DOCK3: variants seen among roughly 807,000 people sequenced by gnomAD.
DOCK3 encodes dedicator of cytokinesis protein 3.
DOCK3 carries 60 observed loss-of-function variants against 265.6 expected under a neutral mutation model. The observed-to-expected ratio is 0.23, with a 90% CI of 0.18 to 0.28. The LOEUF (loss-of-function observed/expected upper bound fraction) is 0.28, where lower values mean the gene tolerates loss of function less well. Among genes scored for constraint, DOCK3 ranks in the 10% least tolerant of loss-of-function variants. The probability of loss-of-function intolerance (pLI) is 1.00; values close to 1 mark genes in which losing one functional copy is unlikely to be tolerated. For synonymous variants in DOCK3, 881 were observed against 938.0 expected (o/e 0.94, Z 1.11); for missense variants, 1,981 against 2,594.3 (o/e 0.76, Z 5.14).
intron 1 of DOCK3, among the ~76,000 whole-genome samples, chr3:50,768,098 A>G (rs916409507): frequency 2.6e-5 from 4 of 152,016 alleles, no homozygotes; most frequent in African/African-American, 7.2e-5. Context: ...CTAATTGAAT[A>G]CCCTTTATTT....
chr3:51,067,427 TTGTGTGTGTGTG>T (rs60551624), intron 6 of DOCK3, among the ~76,000 whole-genome samples: 1 of 144,108 alleles, frequency 6.9e-6, no homozygotes, highest in African/African-American at 2.6e-5. Context: ...TGAAATATGT[TTGTGTGTGTGTG>T]TGTGTGTGTG....
Position 50,796,233 on chromosome 3 carries a change from C to T in DOCK3, c.121+17475C>T, listed in dbSNP as rs565140476. On this transcript the variant is annotated intron_variant, in intron 2 of 52. Coordinates refer to ENST00000266037, the MANE Select transcript of DOCK3 (RefSeq NM_004947.5). ...TTTTTTTTTGTATTTTTAGTAGAGACGGGGTTTCACCATGGTCTGGATCTC... is the reference window on the plus strand; with the variant it reads ...TTTTTTTTTGTATTTTTAGTAGAGATGGGGTTTCACCATGGTCTGGATCTC... Among the ~76,000 whole-genome samples the T allele has an allele frequency of 3.8e-3, 578 of 151,158 alleles. 3 individuals carry two copies. The highest frequency in any genetic ancestry group is 4.1e-3 in the Non-Finnish European group (281 of 67,856).
At chr3:51,223,600 T>C (rs1414033158) in intron 14 of DOCK3, among the ~76,000 whole-genome samples, 1 of 152,176 alleles carries the variant, frequency 6.6e-6, no homozygotes, top group Non-Finnish European at 1.5e-5. Flanking sequence ...TATATCAGTC[T>C]ACAAATTTAA....
chr3:50,706,200 C>T (rs919590061), intron 1 of DOCK3, among the ~76,000 whole-genome samples: 2 of 152,090 alleles, frequency 1.3e-5, no homozygotes, highest in African/African-American at 4.8e-5. Context: ...ATAAACTACC[C>T]GATCTCAGGG....
At chr3:50,692,576 T>C (rs1390911665) in intron 1 of DOCK3, among the ~76,000 whole-genome samples, 2 of 152,200 alleles carry the variant, frequency 1.3e-5, no homozygotes, top group Non-Finnish European at 1.5e-5. Context: ...CAGATTGATA[T>C]TAATTTGTGG....
rs749633091 is a variant in DOCK3 at position 51,118,734 on chromosome 3, T to TA, written c.747-27814dup. 3.3e-5 allele frequency among the ~76,000 whole-genome samples: 5 copies of TA among 152,104 alleles called. No homozygotes were observed. The South Asian group carries it at 6.2e-4, about 19-fold the overall frequency. On this transcript the variant is annotated intron_variant, in intron 9 of 52. Transcript: ENST00000266037. ...GTAATACCCTGCTTTGTCTTTTTTTTATCTTTGTTGGTCTTGATCGTGTTG... is the reference window on the plus strand; with the variant it reads ...GTAATACCCTGCTTTGTCTTTTTTTTAATCTTTGTTGGTCTTGATCGTGTTG...
intron 5 of DOCK3, among the ~76,000 whole-genome samples, chr3:51,062,726 A>G (rs547153253): frequency 6.6e-6 from 1 of 152,374 alleles, no homozygotes; most frequent in African/African-American, 2.4e-5. Flanking sequence ...TTGTGGATGT[A>G]TACATGCAAT....
intron 22 of DOCK3, among the ~76,000 whole-genome samples, chr3:51,254,484 G>A (rs7639192): frequency 0.91 from 138,776 of 152,154 alleles, 63,431 homozygotes; most frequent in African/African-American, 0.96. Context: ...GTCTCCCATT[G>A]TTATTGTGTG....
intron 3 of DOCK3, among the ~76,000 whole-genome samples, chr3:50,859,417 G>A (rs1018459160): frequency 1.3e-5 from 2 of 151,514 alleles, no homozygotes; most frequent in African/African-American, 2.4e-5. Flanking sequence ...TGGGTTTCAC[G>A]GTGTTGGCCA....
chr3:51,249,200 G>C (rs1482468692), intron 22 of DOCK3, among the ~76,000 whole-genome samples: 32 of 138,148 alleles, frequency 2.3e-4, no homozygotes, highest in African/African-American at 7.7e-4. Context: ...GCAGGGAGGT[G>C]GGGGGGTCAG....
chr3:51,228,394 A>G (rs1005553857), intron 17 of DOCK3, among the ~76,000 whole-genome samples: 1 of 152,228 alleles, frequency 6.6e-6, no homozygotes, highest in Non-Finnish European at 1.5e-5. Context: ...ATTTGAGATC[A>G]TGGTACTGTC....
intron 1 of DOCK3, among the ~76,000 whole-genome samples, chr3:50,743,585 A>G (rs2039220915): frequency 6.6e-6 from 1 of 151,852 alleles, no homozygotes; most frequent in African/African-American, 2.4e-5. Context: ...CAAAGATCAA[A>G]AGAGACAAGG....
chr3:51,348,744 T>C (rs756217531), intron 38 of DOCK3, 108 bp from the exon 39 acceptor site: 259 of 1,104,842 alleles, frequency 2.3e-4, no homozygotes, highest in Middle Eastern at 4.8e-4. Context: ...GACACATGAG[T>C]TGGAGCTGGC....
intron 12 of DOCK3, among the ~76,000 whole-genome samples, chr3:51,176,555 G>C (rs1014928210): frequency 6.6e-6 from 1 of 152,228 alleles, no homozygotes; most frequent in African/African-American, 2.4e-5. Flanking sequence ...GAACTCAGGA[G>C]GCGGAGCTTG....
chr3:51,277,559 T>C (rs1240439586), intron 25 of DOCK3, 49 bp from the exon 26 acceptor site: 4 of 1,493,470 alleles, frequency 2.7e-6, no homozygotes, highest in Non-Finnish European at 3.6e-6. Context: ...CCAGCTGTAC[T>C]TCAGCCTGGC....
At chr3:50,793,271 A>G (rs2042584991) in intron 2 of DOCK3, among the ~76,000 whole-genome samples, 1 of 151,742 alleles carries the variant, frequency 6.6e-6, no homozygotes, top group Non-Finnish European at 1.5e-5. Context: ...TGCTGTTTCT[A>G]ATTGTGTTTA....
intron 2 of DOCK3, among the ~76,000 whole-genome samples, chr3:50,827,301 TCA>T (rs1312548640): frequency 6.6e-6 from 1 of 152,198 alleles, no homozygotes; most frequent in African/African-American, 2.4e-5. Context: ...AATTTATTTC[TCA>T]CAGTTCTGGG....
chr3:51,258,849 G>A (rs1338051175), intron 22 of DOCK3, among the ~76,000 whole-genome samples: 1 of 152,148 alleles, frequency 6.6e-6, no homozygotes, highest in Non-Finnish European at 1.5e-5. Context: ...TTTGGAAAAT[G>A]CAAACATTTA....
chr3:51,243,364 A>G (rs760026671), intron 21 of DOCK3, among the ~76,000 whole-genome samples: 1 of 151,678 alleles, frequency 6.6e-6, no homozygotes, highest in South Asian at 2.1e-4. Flanking sequence ...AGTAAGAGCA[A>G]GTTGCTTCTT....
Sources: gnomAD v4.1 joint callset for allele counts (sites outside exome capture counted in the v4.1 genomes callset) on GRCh38, gnomAD v4.1.1 for gene constraint, MANE v1.5 for transcripts, NCBI Gene and HGNC (gene_info 2026-07-23, HGNC 2026-07-21) for gene names.